Variants in MAGEA12 observed in about 807,000 individuals in gnomAD.
The protein encoded by MAGEA12 is MAGE family member A12, also known as melanoma-associated antigen 12.
For synonymous variants in MAGEA12, 135 were observed against 104.7 expected (o/e 1.29, Z -1.77); for missense variants, 235 against 240.1 (o/e 0.98, Z 0.14).
At position 152,736,711 on chromosome X, in the gene MAGEA12, C is replaced by A; in HGVS notation, c.550C>A (p.Leu184Ile). The A allele has an allele frequency of 3.3e-6, 4 of 1,212,034 alleles. No individual in the cohort carries two copies. Among genetic ancestry groups the A allele is most frequent in the Non-Finnish European group, 4.5e-6 (4 of 895,608 alleles). Residue 184 changes from leucine (L) to isoleucine (I), a missense_variant, in exon 3 of 3, where the codon CTC (leucine) becomes ATC (isoleucine). Coordinates refer to ENST00000393869, the MANE Select transcript of MAGEA12 (RefSeq NM_001166387.4). ...HLYILVTCLG[L>I]SYDGLLGDNQ... Reference sequence around the variant, plus strand: ...GTACATCCTTGTCACCTGCCTGGGCCTCTCCTACGATGGCCTGCTGGGCGA... The same window carrying A: ...GTACATCCTTGTCACCTGCCTGGGCATCTCCTACGATGGCCTGCTGGGCGA...
At chrX:152,734,343 G>C (rs1167379467) in intron 1 of MAGEA12, among the ~76,000 whole-genome samples, 3 of 111,479 alleles carry the variant, frequency 2.7e-5, no homozygotes, top group African/African-American at 9.8e-5. Flanking sequence ...GGATCCTGAC[G>C]TTCACATCTG....
Position 152,736,073 on chromosome X carries a change from A to C in MAGEA12, c.-75-14A>C. ...CGGCTGTACCCTGAGGCGCCCTCTCACTTGTTCCTTCAGGTTCTGAGGAGA... is the reference window on the plus strand; with the variant it reads ...CGGCTGTACCCTGAGGCGCCCTCTCCCTTGTTCCTTCAGGTTCTGAGGAGA... On this transcript the variant is annotated splice_polypyrimidine_tract_variant and intron_variant, in intron 2 of 2. Transcript: ENST00000393869. The C allele has an allele frequency of 9.9e-7, 1 of 1,014,397 alleles. No homozygotes were observed. Among genetic ancestry groups the C allele is most frequent in the Non-Finnish European group, 1.3e-6 (1 of 742,310 alleles). 83.6% of individuals were successfully genotyped at this position (1,014,397 alleles called of 1,213,427 possible). A position where few individuals can be genotyped will look rare whatever the true frequency, so the allele number is the denominator to read the frequency against.
Position 152,737,226 on chromosome X carries a change from G to C in MAGEA12, c.*120G>C. 1.4e-6 allele frequency: 1 copy of C among 718,308 alleles called. No homozygotes were observed. The highest frequency in any genetic ancestry group is 2.4e-5 in the Admixed American group (1 of 41,887). The allele number at this position is 718,308 out of a possible 1,213,427, so 59.2% of individuals were successfully genotyped here. On this transcript the variant is annotated 3_prime_UTR_variant, in exon 3 of 3. Coordinates refer to ENST00000393869, the MANE Select transcript of MAGEA12 (RefSeq NM_001166387.4). ...ACATGAGGCCCATTCTTCACTCTTT[G>C]AAGAGAGCAGTCAGTATTGTTAGTA...
At chrX:152,735,621 G>C (rs1353797634) in intron 2 of MAGEA12, among the ~76,000 whole-genome samples, 1 of 112,212 alleles carries the variant, frequency 8.9e-6, no homozygotes, top group Non-Finnish European at 1.9e-5. Context: ...ACCGTATCAG[G>C]GATGTGAATT....
chrX:152,737,429 G>C lies in MAGEA12; in HGVS notation c.*323G>C. ...GAGTAAGAGTGTTGTTTTTTATTCA[G>C]ATTGGGAAATCCATTCCATTTTGTG... On this transcript the variant is annotated 3_prime_UTR_variant, in exon 3 of 3. Transcript: ENST00000393869. 5.2e-6 allele frequency: 2 copies of C among 383,752 alleles called. No homozygotes were observed. The highest frequency in any genetic ancestry group is 2.9e-5 in the South Asian group (1 of 35,000). 31.6% of individuals were successfully genotyped at this position (383,752 alleles called of 1,213,427 possible).
At chrX:152,733,920 C>G (rs1390656574) in intron 1 of MAGEA12, 61 bp downstream of exon 1, 3 of 110,265 alleles carry the variant, frequency 2.7e-5, no homozygotes, top group Admixed American at 9.5e-5. Flanking sequence ...CCCAATAATC[C>G]AGCGCTGCCT....
Position 152,737,145 on chromosome X carries a change from G to A in MAGEA12, c.*39G>A. 1 of 1,157,339 alleles carries A rather than the reference G, an allele frequency of 8.6e-7. No individual in the cohort carries two copies. Among genetic ancestry groups the A allele is most frequent in the African/African-American group, 1.8e-5 (1 of 56,868 alleles). The stretch of plus-strand genomic sequence containing the variant: ...TTGCAGCCAGGGCCAGTGGGAGGGG[G>A]TCTGGGCCAGTGCACCTTCCAAGGC... On this transcript the variant is annotated 3_prime_UTR_variant, in exon 3 of 3. Transcript: ENST00000393869.
Position 152,737,413 on chromosome X carries a change from T to A in MAGEA12, c.*307T>A, listed in dbSNP as rs1170540134. On this transcript the variant is annotated 3_prime_UTR_variant, in exon 3 of 3. Transcript: ENST00000393869. ...TGTTTATATAGTTTAGGAGTAAGAG[T>A]GTTGTTTTTTATTCAGATTGGGAAA... 7.5e-6 allele frequency: 3 copies of A among 402,672 alleles called. No individual in the cohort carries two copies. The East Asian group carries it at 1.7e-4, about 23-fold the overall frequency. 33.2% of individuals were successfully genotyped at this position (402,672 alleles called of 1,213,427 possible).
Position 152,736,346 on chromosome X carries a change from C to T in MAGEA12, c.185C>T (p.Pro62Leu). ...EVPAAESPSP[P>L]HSPQGASTLP... ...CCTGCTGCCGAGTCACCAAGTCCTC[C>T]CCACAGTCCTCAGGGAGCCTCCACC... Residue 62 changes from proline (P) to leucine (L), a missense_variant, in exon 3 of 3, where the codon CCC (proline) becomes CTC (leucine). By Grantham distance (98) the Pro-to-Leu change is moderately conservative. Transcript: ENST00000393869. The T allele has an allele frequency of 8.3e-7, 1 of 1,211,442 alleles. No homozygotes were observed. Among genetic ancestry groups the T allele is most frequent in the East Asian group, 3.0e-5 (1 of 33,796 alleles).
At position 152,736,275 on chromosome X, in the gene MAGEA12, T is replaced by G. The variant is rs781840201; in HGVS notation, c.114T>G (p.Thr38=). 9 of 1,211,179 alleles carry G rather than the reference T, an allele frequency of 7.4e-6. No individual in the cohort carries two copies. The highest frequency in any genetic ancestry group is 1.0e-5 in the Non-Finnish European group (9 of 895,092). Residue 38 remains threonine, a synonymous_variant, in exon 3 of 3, where the codon ACT becomes ACG. Coordinates refer to ENST00000393869, the MANE Select transcript of MAGEA12 (RefSeq NM_001166387.4). ...CTCCTGCTACTGAGGAGCAGGAGACTGCCTCCTCCTCCTCTACTCTAGTGG... is the reference window on the plus strand; with the variant it reads ...CTCCTGCTACTGAGGAGCAGGAGACGGCCTCCTCCTCCTCTACTCTAGTGG... ...AQAPATEEQE[T]ASSSSTLVEV... is the part of the protein sequence containing the mutation.
At position 152,736,371 on chromosome X, in the gene MAGEA12, C is replaced by T; in HGVS notation, c.210C>T (p.Thr70=). ...CCCACAGTCCTCAGGGAGCCTCCAC[C>T]CTCCCCACTACCATCAACTATACTC... ...SPPHSPQGAS[T]LPTTINYTLW... The change falls in exon 3 of 3, where the codon ACC becomes ACT. Residue 70 remains threonine (T), a synonymous_variant. Coordinates refer to ENST00000393869, the MANE Select transcript of MAGEA12 (RefSeq NM_001166387.4). 1.7e-6 allele frequency: 2 copies of T among 1,211,373 alleles called. No individual in the cohort carries two copies. The highest frequency in any genetic ancestry group is 1.7e-5 in the African/African-American group (1 of 57,660).
At position 152,737,415 on chromosome X, in the gene MAGEA12, T is replaced by A. The variant is rs1932353835; in HGVS notation, c.*309T>A. The stretch of plus-strand genomic sequence containing the variant: ...TTTATATAGTTTAGGAGTAAGAGTG[T>A]TGTTTTTTATTCAGATTGGGAAATC... On this transcript the variant is annotated 3_prime_UTR_variant, in exon 3 of 3. Transcript: ENST00000393869. The A allele has an allele frequency of 2.5e-6, 1 of 398,169 alleles. No homozygotes were observed. The highest frequency in any genetic ancestry group is 3.1e-5 in the Admixed American group (1 of 32,126). 32.8% of individuals were successfully genotyped at this position (398,169 alleles called of 1,213,427 possible).
At chrX:152,734,956 G>T (rs1372970641) in intron 1 of MAGEA12, among the ~76,000 whole-genome samples, 192 bp from the exon 2 acceptor site, 3 of 112,320 alleles carry the variant, frequency 2.7e-5, no homozygotes, top group African/African-American at 9.7e-5. Flanking sequence ...GGGAGATAAG[G>T]TGTTGGTGTA....
In MAGEA12 at chrX:152,736,231, G is replaced by C. The variant is rs1556226122; in HGVS notation, c.70G>C (p.Gly24Arg). 2 of 1,211,698 alleles carry C rather than the reference G, an allele frequency of 1.7e-6. No homozygotes were observed. Among genetic ancestry groups the C allele is most frequent in the Non-Finnish European group, 2.2e-6 (2 of 895,473 alleles). ...CCTTGAGGCCCAAGGAGAGGCCCTGGGCTTGGTGGGTGCGCAGGCTCCTGC... is the reference window on the plus strand; with the variant it reads ...CCTTGAGGCCCAAGGAGAGGCCCTGCGCTTGGTGGGTGCGCAGGCTCCTGC... ...EGLEAQGEAL[G>R]LVGAQAPATE... The change falls in exon 3 of 3, where the codon GGC becomes CGC. Residue 24 changes from glycine (G) to arginine (R), a missense_variant. Physicochemically the swap from Gly to Arg is moderately radical, Grantham distance 125 (BLOSUM62 -2). Transcript: ENST00000393869.
chrX:152,736,871 G>A lies in MAGEA12; in HGVS notation c.710G>A (p.Ser237Asn). ...GAGGCATCTGATGGGAGGGAGGACAGTGTCTTTGCGCATCCCAGGAAGCTG... is the reference window on the plus strand; with the variant it reads ...GAGGCATCTGATGGGAGGGAGGACAATGTCTTTGCGCATCCCAGGAAGCTG... ...VLEASDGRED[S>N]VFAHPRKLLT... The change falls in exon 3 of 3, where the codon AGT becomes AAT. Residue 237 changes from serine (S) to asparagine (N), a missense_variant. Coordinates refer to ENST00000393869, the MANE Select transcript of MAGEA12 (RefSeq NM_001166387.4). 8.2e-7 allele frequency: 1 copy of A among 1,212,130 alleles called. No homozygotes were observed. The highest frequency in any genetic ancestry group is 1.1e-6 in the Non-Finnish European group (1 of 895,615).
intron 2 of MAGEA12, among the ~76,000 whole-genome samples, chrX:152,735,762 G>A (rs1932302665): frequency 8.9e-6 from 1 of 111,880 alleles, no homozygotes; most frequent in Admixed American, 9.4e-5. Flanking sequence ...GAGTCTGGCC[G>A]ACCCTCCTGA....
At chrX:152,735,968 G>C (rs1255529400) in intron 2 of MAGEA12, 119 bp from the exon 3 acceptor site, 6 of 464,182 alleles carry the variant, frequency 1.3e-5, no homozygotes, top group Non-Finnish European at 2.2e-5. Context: ...GGGCCGCACC[G>C]GCCCCAGAAC....
At position 152,737,011 on chromosome X, in the gene MAGEA12, G is replaced by A; in HGVS notation, c.850G>A (p.Val284Met). 3 of 1,212,030 alleles carry A rather than the reference G, an allele frequency of 2.5e-6. No homozygotes were observed. The highest frequency in any genetic ancestry group is 3.3e-6 in the Non-Finnish European group (3 of 895,584). ...AAGGGCCCTCGTTGAAACCAGCTAT[G>A]TGAAAGTCCTGCACCATTTGCTAAA... ...GPRALVETSY[V>M]KVLHHLLKIS... Residue 284 changes from valine (V) to methionine (M), a missense_variant, in exon 3 of 3, where the codon GTG (valine) becomes ATG (methionine). Val to Met is a conservative substitution (Grantham distance 21, BLOSUM62 1). Coordinates refer to ENST00000393869, the MANE Select transcript of MAGEA12 (RefSeq NM_001166387.4).
Position 152,737,612 on chromosome X carries a change from T to C in MAGEA12, c.*506T>C, listed in dbSNP as rs1328972098. On this transcript the variant is annotated 3_prime_UTR_variant, in exon 3 of 3. Transcript: ENST00000393869. Reference sequence around the variant, plus strand: ...TGTAAATTTGAAAAAAAAGCATGGATACCTGGATATCCTTGGCTTCTTTGA... The same window carrying C: ...TGTAAATTTGAAAAAAAAGCATGGACACCTGGATATCCTTGGCTTCTTTGA... 1.2e-4 allele frequency: 22 copies of C among 187,680 alleles called. No individual in the cohort carries two copies. Among genetic ancestry groups the C allele is most frequent in the African/African-American group, 6.7e-4 (22 of 32,631 alleles). The allele number at this position is 187,680 out of a possible 1,213,427, so 15.5% of individuals were successfully genotyped here.
Sources: allele counts gnomAD v4.1 joint callset (sites outside exome capture counted in the v4.1 genomes callset), GRCh38; gene constraint gnomAD v4.1.1; transcripts MANE v1.5; gene names NCBI Gene and HGNC (gene_info 2026-07-23, HGNC 2026-07-21).